SLTM: variants seen among roughly 807,000 people sequenced by gnomAD.
SLTM encodes the protein SAFB like transcription modulator.
SLTM carries 43 observed loss-of-function variants against 134.6 expected under a neutral mutation model. The observed-to-expected ratio is 0.32, with a 90% CI of 0.25 to 0.41. The LOEUF (loss-of-function observed/expected upper bound fraction) is 0.41, where lower values mean the gene tolerates loss of function less well. Among genes scored for constraint, SLTM ranks in the 10% least tolerant of loss-of-function variants. The probability of loss-of-function intolerance (pLI) is 1.00; values close to 1 mark genes in which losing one functional copy is unlikely to be tolerated. For synonymous variants in SLTM, 424 were observed against 432.3 expected (o/e 0.98, Z 0.24); for missense variants, 1,055 against 1,288.8 (o/e 0.82, Z 2.78).
chr15:58,885,371 G>A (rs2034094530), intron 19 of SLTM, among the ~76,000 whole-genome samples: 1 of 152,122 alleles, frequency 6.6e-6, no homozygotes, highest in African/African-American at 2.4e-5. Context: ...ATTTTCAAGG[G>A]AGGATACAAG....
At chr15:58,882,178 T>A (rs1399562068) in intron 20 of SLTM, among the ~76,000 whole-genome samples, 1 of 2,784 alleles carries the variant, frequency 3.6e-4, no homozygotes, top group African/African-American at 3.8e-4. Context: ...CAAGACTCTG[T>A]CTCAAAAAAA....
chr15:58,920,060 A>C (rs1414718635), intron 2 of SLTM, among the ~76,000 whole-genome samples: 1 of 152,200 alleles, frequency 6.6e-6, no homozygotes, highest in Non-Finnish European at 1.5e-5. Context: ...TCATGCCTGT[A>C]AACCCAGCAA....
chr15:58,898,862 C>G lies in SLTM; in HGVS notation c.1059-10G>C, dbSNP rs2035278493. 2 of 1,601,474 alleles carry G rather than the reference C, an allele frequency of 1.2e-6. No individual in the cohort carries two copies. The highest frequency in any genetic ancestry group is 1.7e-6 in the Non-Finnish European group (2 of 1,174,232). On this transcript the variant is annotated splice_polypyrimidine_tract_variant and intron_variant, in intron 7 of 20. Transcript: ENST00000380516. The stretch of plus-strand genomic sequence containing the variant: ...AGATTCCTTTGAAGAGCTAAAGAGG[C>G]AAATCACCAGAAGAAAATTGAAAAC...
At chr15:58,926,126 T>G (rs531145200) in intron 2 of SLTM, among the ~76,000 whole-genome samples, 1 of 152,142 alleles carries the variant, frequency 6.6e-6, no homozygotes, top group Non-Finnish European at 1.5e-5. Context: ...ACCAACTCTA[T>G]GGGGAGTGAA....
intron 1 of SLTM, among the ~76,000 whole-genome samples, chr15:58,932,746 C>T (rs1275521983): frequency 6.6e-6 from 1 of 152,212 alleles, no homozygotes; most frequent in East Asian, 1.9e-4. Flanking sequence ...AAGTTGCTAG[C>T]TACTAAAGTA....
intron 5 of SLTM, among the ~76,000 whole-genome samples, chr15:58,910,368 T>C (rs1468175874): frequency 1.3e-5 from 2 of 152,216 alleles, no homozygotes; most frequent in Non-Finnish European, 2.9e-5. Flanking sequence ...TTTATGTTTC[T>C]AGATGTTCCA....
At chr15:58,894,292 A>T (rs1352196465) in intron 10 of SLTM, 99 bp from the exon 11 acceptor site, 2 of 1,407,952 alleles carry the variant, frequency 1.4e-6, no homozygotes, top group Non-Finnish European at 9.8e-7. Flanking sequence ...ACGATAGGAA[A>T]AATATAAGGA....
rs745707298 is a variant in SLTM, at chr15:58,887,230, T to C, written c.2686A>G (p.Thr896Ala). 8.1e-6 allele frequency: 13 copies of C among 1,613,752 alleles called. No homozygotes were observed. The highest frequency in any genetic ancestry group is 1.3e-5 in the African/African-American group (1 of 75,050). The change falls in exon 18 of 21, where the codon ACA becomes GCA. Residue 896 changes from threonine (T) to alanine (A), a missense_variant. Transcript: ENST00000380516. ...EGSMSTDKRE[T>A]RVERPERSGR... The stretch of plus-strand genomic sequence containing the variant: ...CATTACATAGTACACAGCTACCTTG[T>C]TTCCCGTTTGTCAGTGGACATGCTT...
At chr15:58,926,514 T>A (rs574557961) in intron 2 of SLTM, among the ~76,000 whole-genome samples, 1 of 152,250 alleles carries the variant, frequency 6.6e-6, no homozygotes, top group Non-Finnish European at 1.5e-5. Flanking sequence ...TACTTAATTA[T>A]AAACATGTAT....
chr15:58,928,059 A>G (rs117636072), intron 2 of SLTM, among the ~76,000 whole-genome samples: 1,582 of 152,332 alleles, frequency 0.01, 16 homozygotes, highest in Non-Finnish European at 0.016. Context: ...TCTATAGAAG[A>G]AAAATCAGAT....
At chr15:58,917,621 T>A (rs2036737012) in intron 2 of SLTM, among the ~76,000 whole-genome samples, 1 of 152,250 alleles carries the variant, frequency 6.6e-6, no homozygotes, top group South Asian at 2.1e-4. Flanking sequence ...CTTAACATAA[T>A]AACTGATTTA....
intron 4 of SLTM, chr15:58,912,896 C>T (rs530107305): frequency 6.9e-6 from 2 of 288,908 alleles, no homozygotes; most frequent in Non-Finnish European, 6.6e-6. Context: ...CTCCTTAACC[C>T]ACTGACTTTC....
intron 5 of SLTM, 75 bp from the exon 6 acceptor site, chr15:58,901,362 C>G (rs2035476330): frequency 1.6e-6 from 2 of 1,258,000 alleles, no homozygotes; most frequent in East Asian, 2.4e-5. Flanking sequence ...CAAAATCAGC[C>G]AAGTTAAAAT....
intron 17 of SLTM, 23 bp from the exon 18 acceptor site, chr15:58,887,563 A>G (rs777110424): frequency 9.4e-6 from 15 of 1,589,328 alleles, no homozygotes; most frequent in Non-Finnish European, 1.3e-5. Flanking sequence ...AACAAAGAAT[A>G]TAGGTCCAAG....
At chr15:58,908,339 G>C (rs1476781918) in intron 5 of SLTM, among the ~76,000 whole-genome samples, 1 of 152,120 alleles carries the variant, frequency 6.6e-6, no homozygotes, top group Non-Finnish European at 1.5e-5. Context: ...GGGATTACAG[G>C]CATGAGCCAC....
In SLTM at chr15:58,897,103, A is replaced by G. The variant is rs775616625; in HGVS notation, c.1227+12T>C. On this transcript the variant is annotated intron_variant, in intron 9 of 20. Coordinates refer to ENST00000380516, the MANE Select transcript of SLTM (RefSeq NM_024755.4). ...CACCAGAAAGACAGATAAAAAGGTAAAAAGAATGTACCTTTCCATATTTGC... is the reference window on the plus strand; with the variant it reads ...CACCAGAAAGACAGATAAAAAGGTAGAAAGAATGTACCTTTCCATATTTGC... 3 of 1,502,756 alleles carry G rather than the reference A, an allele frequency of 2.0e-6. No homozygotes were observed. The South Asian group carries it at 3.4e-5, about 17-fold the overall frequency. The allele number at this position is 1,502,756 out of a possible 1,614,324, so 93.1% of individuals were successfully genotyped here. A position where few individuals can be genotyped will look rare whatever the true frequency, so the allele number is the denominator to read the frequency against.
At chr15:58,918,984 G>A (rs567146815) in intron 2 of SLTM, among the ~76,000 whole-genome samples, 4 of 151,498 alleles carry the variant, frequency 2.6e-5, no homozygotes, top group East Asian at 1.9e-4. Context: ...GCGCAATCTC[G>A]GCTCACTGCA....
intron 5 of SLTM, among the ~76,000 whole-genome samples, chr15:58,909,415 G>A (rs537567100): frequency 5.3e-5 from 8 of 152,096 alleles, no homozygotes; most frequent in Non-Finnish European, 1.2e-4. Context: ...TCTGAAAATT[G>A]GTAAATAAAA....
At chr15:58,924,001 G>T (rs1046329231) in intron 2 of SLTM, among the ~76,000 whole-genome samples, 1 of 151,816 alleles carries the variant, frequency 6.6e-6, no homozygotes, top group East Asian at 1.9e-4. Flanking sequence ...TTTTAATAGA[G>T]ACAGGGTTTC....
Sources: gnomAD v4.1 joint callset for allele counts (sites outside exome capture counted in the v4.1 genomes callset) on GRCh38, gnomAD v4.1.1 for gene constraint, MANE v1.5 for transcripts, NCBI Gene and HGNC (gene_info 2026-07-23, HGNC 2026-07-21) for gene names.